Variants in CFTR observed in about 807,000 individuals in gnomAD.
CFTR encodes the protein CF transmembrane conductance regulator, also known as cystic fibrosis transmembrane conductance regulator.
CFTR carries 181 observed loss-of-function variants against 171.6 expected under a neutral mutation model. The ratio of observed to expected loss-of-function variants is 1.05; its 90% CI spans 0.93 to 1.19. CFTR has a LOEUF of 1.19. Ranked by LOEUF, CFTR falls within the 50% of genes most tolerant of loss-of-function variation. CFTR has a pLI of 0.00. For synonymous variants in CFTR, 583 were observed against 608.0 expected (o/e 0.96, Z 0.60); for missense variants, 1,968 against 1,734.7 (o/e 1.13, Z -2.39).
intron 2 of CFTR, among the ~76,000 whole-genome samples, chr7:117,506,039 C>A (rs921341428): frequency 6.6e-6 from 1 of 151,392 alleles, no homozygotes; most frequent in East Asian, 1.9e-4. Flanking sequence ...ATGATGTATC[C>A]CCAAGTGCCT....
At chr7:117,524,335 G>A (rs939157488) in intron 3 of CFTR, among the ~76,000 whole-genome samples, 1 of 151,016 alleles carries the variant, frequency 6.6e-6, no homozygotes, top group Non-Finnish European at 1.5e-5. Flanking sequence ...TGTAAATCCA[G>A]TGGCCTTGAC....
At chr7:117,652,715 TAA>T (rs1793105868) in intron 23 of CFTR, 125 bp from the exon 24 acceptor site, 1 of 560,914 alleles carries the variant, frequency 1.8e-6, no homozygotes, top group Non-Finnish European at 3.2e-6. Flanking sequence ...AACTTGATGG[TAA>T]GTACATGGGT....
chr7:117,656,276 C>T (rs974693243), intron 24 of CFTR, among the ~76,000 whole-genome samples: 2 of 152,138 alleles, frequency 1.3e-5, no homozygotes, highest in South Asian at 4.1e-4. Context: ...ATATACTTCT[C>T]TGGGAAACAG....
intron 9 of CFTR, among the ~76,000 whole-genome samples, chr7:117,545,646 T>G (rs1464431139): frequency 6.6e-6 from 1 of 152,042 alleles, no homozygotes; most frequent in Non-Finnish European, 1.5e-5. Flanking sequence ...AACCTGAGAG[T>G]AAGTAACATT....
At chr7:117,597,298 C>T (rs551536653) in intron 15 of CFTR, among the ~76,000 whole-genome samples, 24 of 152,250 alleles carry the variant, frequency 1.6e-4, no homozygotes, top group East Asian at 1.5e-3. Context: ...TCAGGACACG[C>T]GGCCTTTAAG....
chr7:117,504,189 C>A, intron 1 of CFTR, 64 bp from the exon 2 acceptor site: 2 of 926,954 alleles, frequency 2.2e-6, no homozygotes, highest in South Asian at 1.3e-5. Flanking sequence ...TGAATAGTAT[C>A]AGATTCCAAA....
chr7:117,573,947 A>G (rs576543413), intron 11 of CFTR, among the ~76,000 whole-genome samples: 1 of 152,234 alleles, frequency 6.6e-6, no homozygotes, highest in African/African-American at 2.4e-5. Flanking sequence ...GTATGAACAA[A>G]GAGAAGTAGA....
At chr7:117,480,558 G>A (rs1339849934) in intron 1 of CFTR, among the ~76,000 whole-genome samples, 2 of 152,096 alleles carry the variant, frequency 1.3e-5, no homozygotes, top group African/African-American at 2.4e-5. Context: ...CATATAGTAA[G>A]TGCTCAGAAA....
chr7:117,556,848 A>G (rs1244785200), intron 10 of CFTR, among the ~76,000 whole-genome samples: 3 of 150,934 alleles, frequency 2.0e-5, no homozygotes, highest in Admixed American at 6.6e-5. Context: ...TATTTTTGCA[A>G]CTCCTTTATT....
Position 117,627,596 on chromosome 7 carries a change from A to G in CFTR, c.3543A>G (p.Pro1181=), listed in dbSNP as rs1584830076. 2 of 1,613,502 alleles carry G rather than the reference A, an allele frequency of 1.2e-6. No homozygotes were observed. Among genetic ancestry groups the G allele is most frequent in the Middle Eastern group, 1.7e-4 (1 of 6,056 alleles). The change falls in exon 22 of 27, where the codon CCA becomes CCG. Residue 1181 remains proline (P), a synonymous_variant. Transcript: ENST00000003084. ...TEGKPTKSTK[P]YKNGQLSKVM... is the part of the protein sequence containing the mutation. The stretch of plus-strand genomic sequence containing the variant: ...GTAAACCTACCAAGTCAACCAAACC[A>G]TACAAGAATGGCCAACTCTCGAAAG...
intron 22 of CFTR, among the ~76,000 whole-genome samples, chr7:117,637,992 A>T (rs1269614196): frequency 6.6e-6 from 1 of 152,170 alleles, no homozygotes. Flanking sequence ...AAAAGTATAG[A>T]AGTCGGCCAG....
intron 15 of CFTR, among the ~76,000 whole-genome samples, chr7:117,596,028 C>T (rs1031676481): frequency 1.2e-4 from 18 of 152,372 alleles, no homozygotes; most frequent in Middle Eastern, 6.8e-3. Context: ...GCCTCCTTGA[C>T]CTTGACGCCC....
intron 22 of CFTR, among the ~76,000 whole-genome samples, chr7:117,641,727 C>T (rs1223905777): frequency 1.3e-5 from 2 of 152,198 alleles, no homozygotes; most frequent in African/African-American, 4.8e-5. Flanking sequence ...GCATGGTGCT[C>T]TCACGTCTAT....
chr7:117,665,646 T>C (rs754012117), intron 26 of CFTR, 82 bp downstream of exon 26: 2 of 897,496 alleles, frequency 2.2e-6, no homozygotes, highest in Admixed American at 1.8e-5. Flanking sequence ...TTCCTGCAAA[T>C]TGCAACAATG....
chr7:117,647,580 A>G (rs150682423), intron 23 of CFTR, among the ~76,000 whole-genome samples: 1 of 151,898 alleles, frequency 6.6e-6, no homozygotes, highest in Non-Finnish European at 1.5e-5. Flanking sequence ...CCCATGATCC[A>G]GTTACCTCCC....
chr7:117,567,635 C>T (rs994048819), intron 11 of CFTR, among the ~76,000 whole-genome samples: 1 of 152,110 alleles, frequency 6.6e-6, no homozygotes, highest in Non-Finnish European at 1.5e-5. Context: ...ATGTTGCCTG[C>T]AAGTATAACA....
intron 22 of CFTR, among the ~76,000 whole-genome samples, chr7:117,639,184 A>T (rs187049539): frequency 1.1e-4 from 17 of 152,314 alleles, no homozygotes; most frequent in Admixed American, 7.8e-4. Context: ...AAGATGTGGT[A>T]TTACTTTCTT....
chr7:117,640,336 A>G lies in CFTR; in HGVS notation c.3718-2102A>G, dbSNP rs182240376. On this transcript the variant is annotated intron_variant, in intron 22 of 26. Coordinates refer to ENST00000003084, the MANE Select transcript of CFTR (RefSeq NM_000492.4). Reference sequence around the variant, plus strand: ...TTACCAGCAGTTCAATGATATAAGGAAACCAGAGTAATAGCTAAAACCTTT... The same window carrying G: ...TTACCAGCAGTTCAATGATATAAGGGAACCAGAGTAATAGCTAAAACCTTT... 9.8e-5 allele frequency among the ~76,000 whole-genome samples: 15 copies of G among 152,298 alleles called. 1 individual carries two copies. Among genetic ancestry groups the G allele is most frequent in the Admixed American group, 9.2e-4 (14 of 15,294 alleles).
chr7:117,548,467 A>G (rs1487789535), intron 9 of CFTR, among the ~76,000 whole-genome samples, 174 bp from the exon 10 acceptor site: 4 of 151,860 alleles, frequency 2.6e-5, no homozygotes, highest in Admixed American at 2.6e-4. Context: ...TCCTCTAGAA[A>G]CCGTATGCTA....
Sources: allele counts gnomAD v4.1 joint callset (sites outside exome capture counted in the v4.1 genomes callset), GRCh38; gene constraint gnomAD v4.1.1; transcripts MANE v1.5; gene names NCBI Gene and HGNC (gene_info 2026-07-23, HGNC 2026-07-21).